The following LRRC7 variants were observed in gnomAD, a reference collection of about 807,000 sequenced individuals.
The protein encoded by LRRC7 is leucine rich repeat containing 7.
A neutral mutation model predicts 175.7 loss-of-function variants in LRRC7; 23 were observed. The observed-to-expected ratio is 0.13, with a 90% CI of 0.09 to 0.19. The LOEUF is 0.19. Ranked by LOEUF, LRRC7 falls within the 10% of genes least tolerant of loss-of-function variation. LRRC7 has a pLI of 1.00. For synonymous variants in LRRC7, 685 were observed against 680.9 expected (o/e 1.01, Z -0.09); for missense variants, 1,354 against 1,904.7 (o/e 0.71, Z 5.38).
At chr1:69,827,759 A>G (rs954281361) in intron 5 of LRRC7, among the ~76,000 whole-genome samples, 3 of 152,082 alleles carry the variant, frequency 2.0e-5, no homozygotes, top group Admixed American at 2.0e-4. Context: ...GAATCACTTT[A>G]GCCTGGGAGG....
At chr1:69,834,305 A>C (rs1208543394) in intron 5 of LRRC7, among the ~76,000 whole-genome samples, 1 of 152,150 alleles carries the variant, frequency 6.6e-6, no homozygotes, top group Non-Finnish European at 1.5e-5. Context: ...TTCACTTTTC[A>C]TACTGGGCAA....
intron 10 of LRRC7, among the ~76,000 whole-genome samples, chr1:69,991,625 T>A (rs905526471): frequency 6.6e-6 from 1 of 152,186 alleles, no homozygotes; most frequent in Non-Finnish European, 1.5e-5. Context: ...GATAATTGGA[T>A]GGCGAATTGC....
At chr1:70,000,556 G>C (rs764813453) in intron 11 of LRRC7, among the ~76,000 whole-genome samples, 2 of 152,102 alleles carry the variant, frequency 1.3e-5, no homozygotes, top group East Asian at 3.9e-4. Context: ...TTCAGTAATC[G>C]TACCACTCTT....
At chr1:69,750,216 A>C (rs1491002811) in intron 2 of LRRC7, among the ~76,000 whole-genome samples, 1 of 152,024 alleles carries the variant, frequency 6.6e-6, no homozygotes, top group Non-Finnish European at 1.5e-5. Context: ...TAATGGGTAA[A>C]AAAATACAGT....
chr1:69,690,426 T>C (rs1020974896), intron 2 of LRRC7, among the ~76,000 whole-genome samples: 9 of 152,072 alleles, frequency 5.9e-5, no homozygotes, highest in African/African-American at 2.2e-4. Context: ...GTCAGAAAAA[T>C]ATTTAAGTGA....
chr1:70,074,297 A>G (rs1662613620), intron 23 of LRRC7, among the ~76,000 whole-genome samples: 1 of 152,014 alleles, frequency 6.6e-6, no homozygotes, highest in Non-Finnish European at 1.5e-5. Context: ...TGCAACTTAC[A>G]CCCTCTGGAA....
chr1:69,625,164 C>A (rs1045968124), intron 1 of LRRC7, among the ~76,000 whole-genome samples: 4 of 151,676 alleles, frequency 2.6e-5, no homozygotes, highest in Non-Finnish European at 5.9e-5. Context: ...GATTAAATAT[C>A]TTTAATAGTT....
chr1:69,856,008 C>G (rs1420603728), intron 7 of LRRC7, among the ~76,000 whole-genome samples: 2 of 152,064 alleles, frequency 1.3e-5, no homozygotes, highest in East Asian at 3.9e-4. Context: ...TTATTTTGAG[C>G]CTATGTGTGT....
intron 3 of LRRC7, among the ~76,000 whole-genome samples, chr1:69,782,670 C>T (rs994957336): frequency 3.3e-5 from 5 of 152,064 alleles, no homozygotes; most frequent in Admixed American, 3.3e-4. Flanking sequence ...GCCTTGAAAG[C>T]CACATTAAGG....
chr1:69,886,556 CT>C (rs1483125733), intron 7 of LRRC7, among the ~76,000 whole-genome samples: 1 of 151,494 alleles, frequency 6.6e-6, no homozygotes, highest in Non-Finnish European at 1.5e-5. Context: ...ACTGATGGGT[CT>C]TGACTCTTTA....
At chr1:70,023,452 G>A in intron 17 of LRRC7, 78 bp downstream of exon 17, 2 of 1,339,938 alleles carry the variant, frequency 1.5e-6, no homozygotes, top group Non-Finnish European at 2.0e-6. Flanking sequence ...GGTATGTTCT[G>A]CATGATTTGG....
intron 7 of LRRC7, among the ~76,000 whole-genome samples, chr1:69,873,126 T>C (rs1284024701): frequency 6.6e-6 from 1 of 152,172 alleles, no homozygotes; most frequent in African/African-American, 2.4e-5. Flanking sequence ...TTGGAAGTGA[T>C]AGTGTAAGCA....
At chr1:69,705,978 C>T (rs1046112857) in intron 2 of LRRC7, among the ~76,000 whole-genome samples, 3 of 152,118 alleles carry the variant, frequency 2.0e-5, no homozygotes, top group African/African-American at 7.2e-5. Context: ...CATATCATTA[C>T]CTGATTATTT....
chr1:69,853,371 T>C (rs1258865641), intron 7 of LRRC7, among the ~76,000 whole-genome samples: 1 of 142,716 alleles, frequency 7.0e-6, no homozygotes, highest in Non-Finnish European at 1.5e-5. Context: ...CTCTACCTCC[T>C]GGGTTCAAGC....
chr1:69,935,452 C>T (rs1025373319), intron 8 of LRRC7, among the ~76,000 whole-genome samples: 3 of 152,044 alleles, frequency 2.0e-5, no homozygotes, highest in South Asian at 2.1e-4. Context: ...TTATCAAATT[C>T]GAAATCTAGA....
intron 1 of LRRC7, among the ~76,000 whole-genome samples, chr1:69,581,175 G>A (rs553426867): frequency 6.6e-6 from 1 of 152,290 alleles, no homozygotes; most frequent in Non-Finnish European, 1.5e-5. Context: ...AAGTCATTAA[G>A]CATTTATGAA....
intron 7 of LRRC7, among the ~76,000 whole-genome samples, chr1:69,877,046 T>C (rs983028774): frequency 1.3e-5 from 2 of 152,032 alleles, no homozygotes; most frequent in African/African-American, 4.8e-5. Context: ...GTGTTACTCA[T>C]AGAGAAAACC....
chr1:70,111,362 C>T (rs184112686), intron 26 of LRRC7, among the ~76,000 whole-genome samples: 4 of 152,078 alleles, frequency 2.6e-5, no homozygotes, highest in East Asian at 3.9e-4. Context: ...TTCATTTTCC[C>T]GGAATAGACA....
intron 7 of LRRC7, among the ~76,000 whole-genome samples, chr1:69,859,772 GT>G (rs1278710486): frequency 1.3e-5 from 2 of 151,902 alleles, no homozygotes; most frequent in Non-Finnish European, 2.9e-5. Context: ...GTGAAAAAAA[GT>G]TTCTCAAAAT....
Sources: gnomAD v4.1 joint callset for allele counts (sites outside exome capture counted in the v4.1 genomes callset) on GRCh38, gnomAD v4.1.1 for gene constraint, MANE v1.5 for transcripts, NCBI Gene and HGNC (gene_info 2026-07-23, HGNC 2026-07-21) for gene names.